Variants in DCAF13 observed in about 807,000 individuals in gnomAD.
DCAF13 encodes DDB1- and CUL4-associated factor 13.
DCAF13 carries 38 observed loss-of-function variants against 59.0 expected under a neutral mutation model. The ratio of observed to expected loss-of-function variants is 0.64; its 90% CI spans 0.50 to 0.84. DCAF13 has a LOEUF of 0.84. Among genes scored for constraint, DCAF13 ranks in the 40% least tolerant of loss-of-function variants. The pLI is 0.00. For missense variants in DCAF13, 469 were observed against 558.4 expected (o/e 0.84, Z 1.61); for synonymous variants, 173 against 175.0 (o/e 0.99, Z 0.09).
chr8:103,429,741 T>C (rs926025686), intron 5 of DCAF13: 3 of 152,182 alleles, frequency 2.0e-5, no homozygotes, highest in Non-Finnish European at 2.9e-5. Context: ...AGCTAGGAAA[T>C]ACTGTCATAC....
intron 1 of DCAF13, among the ~76,000 whole-genome samples, chr8:103,415,901 G>T (rs1816604336): frequency 6.6e-6 from 1 of 152,140 alleles, no homozygotes; most frequent in Non-Finnish European, 1.5e-5. Flanking sequence ...TCTTCTTGCC[G>T]CTTTACTACT....
At chr8:103,436,896 A>G (rs1816942096) in intron 8 of DCAF13, among the ~76,000 whole-genome samples, 1 of 152,152 alleles carries the variant, frequency 6.6e-6, no homozygotes, top group Non-Finnish European at 1.5e-5. Context: ...CTGCTTATCT[A>G]ACTCTTTGCT....
chr8:103,429,254 G>A (rs1383540369), intron 5 of DCAF13: 1 of 152,194 alleles, frequency 6.6e-6, no homozygotes, highest in African/African-American at 2.4e-5. Flanking sequence ...GCCAAGAAAG[G>A]TTGAGGGACC....
chr8:103,443,098 A>G lies in DCAF13; in HGVS notation c.*216A>G. 2.5e-6 allele frequency: 1 copy of G among 397,932 alleles called. No homozygotes were observed. The highest frequency in any genetic ancestry group is 2.1e-5 in the African/African-American group (1 of 48,448). The allele number at this position is 397,932 out of a possible 1,614,324, so 24.7% of individuals were successfully genotyped here. A position where few individuals can be genotyped will look rare whatever the true frequency, so the allele number is the denominator to read the frequency against. On this transcript the variant is annotated 3_prime_UTR_variant, in exon 11 of 11. Transcript: ENST00000612750. ...TTAATCTGCATTCTTCTTTCATTGTAGAATACAGTATTTGCAACTCATTTT... is the reference window on the plus strand; with the variant it reads ...TTAATCTGCATTCTTCTTTCATTGTGGAATACAGTATTTGCAACTCATTTT...
chr8:103,428,369 C>G (rs976886659), intron 5 of DCAF13: 3 of 152,186 alleles, frequency 2.0e-5, no homozygotes, highest in Admixed American at 6.5e-5. Context: ...CAGCCATGTT[C>G]TCTTGCGTAC....
At chr8:103,438,705 A>G (rs1816965460) in intron 8 of DCAF13, among the ~76,000 whole-genome samples, 1 of 152,022 alleles carries the variant, frequency 6.6e-6, no homozygotes, top group South Asian at 2.1e-4. Flanking sequence ...TACTTTAGAG[A>G]TATTTTTTAT....
intron 3 of DCAF13, chr8:103,421,404 G>A: frequency 2.6e-6 from 1 of 384,690 alleles, no homozygotes; most frequent in East Asian, 6.6e-5. Flanking sequence ...CAGATAATAA[G>A]GAATCATCGA....
In DCAF13 at chr8:103,437,362, G is replaced by A. The variant is rs1160115274; in HGVS notation, c.950+1572G>A. Reference sequence around the variant, plus strand: ...ACATAAGTAGACAAAAGAATGAAACGAGAACAAAGAAAAAAACAGGACTGT... The same window carrying A: ...ACATAAGTAGACAAAAGAATGAAACAAGAACAAAGAAAAAAACAGGACTGT... On this transcript the variant is annotated intron_variant, in intron 8 of 10. Coordinates refer to ENST00000612750, the MANE Select transcript of DCAF13 (RefSeq NM_015420.7). 2.0e-5 allele frequency among the ~76,000 whole-genome samples: 3 copies of A among 152,174 alleles called. No homozygotes were observed. The South Asian group carries it at 6.2e-4, about 32-fold the overall frequency.
intron 3 of DCAF13, among the ~76,000 whole-genome samples, chr8:103,424,049 C>CCCTCTGTCG (rs1563503052): frequency 1.3e-5 from 2 of 151,274 alleles, no homozygotes; most frequent in Non-Finnish European, 2.9e-5. Flanking sequence ...GATGAAGTCT[C>CCCTCTGTCG]CCTCTGTCGC....
In DCAF13 at chr8:103,420,267, C is replaced by G. The variant is rs1190094138; in HGVS notation, c.74C>G (p.Pro25Arg). The G allele has an allele frequency of 1.9e-6, 3 of 1,612,760 alleles. No homozygotes were observed. The African/African-American group carries it at 4.0e-5, about 22-fold the overall frequency. Residue 25 changes from proline (P) to arginine (R), a missense_variant, in exon 2 of 11, where the codon CCA becomes CGA. Transcript: ENST00000612750. ...AGAAGGATCATTCTTATTTCAGTTC[C>G]AAGAAACTATGATCCTGCTTTACAT... The part of the protein sequence containing the change: ...RETKLDLQRV[P>R]RNYDPALHPF...
intron 10 of DCAF13, chr8:103,441,889 CT>C: frequency 2.9e-6 from 1 of 343,406 alleles, no homozygotes. Context: ...TCTCAGCCTC[CT>C]GAGTAGCTAG....
rs1202179705 is a variant in DCAF13, at chr8:103,415,456, A to C, written c.10A>C (p.Lys4Gln). The part of the protein sequence containing the change: MKV[K>Q]MLSRNPDNYV... ...CGGAAGAGCAACCGAGATGAAGGTG[A>C]AGATGCTGAGCCGGAATCCGGACAA... Residue 4 changes from lysine to glutamine, a missense_variant, in exon 1 of 11, where the codon AAG (lysine) becomes CAG (glutamine). By Grantham distance (53) the Lys-to-Gln change is moderately conservative. Coordinates refer to ENST00000612750, the MANE Select transcript of DCAF13 (RefSeq NM_015420.7). The C allele has an allele frequency of 6.2e-7, 1 of 1,613,934 alleles. No homozygotes were observed. Among genetic ancestry groups the C allele is most frequent in the Admixed American group, 1.7e-5 (1 of 60,008 alleles).
intron 6 of DCAF13, among the ~76,000 whole-genome samples, chr8:103,431,606 C>T (rs1030587946): frequency 2.6e-5 from 4 of 152,162 alleles, no homozygotes; most frequent in African/African-American, 9.7e-5. Flanking sequence ...TGGTCTTAGA[C>T]TTTTAAGCAC....
rs963709767 is a variant in DCAF13 at position 103,420,300 on chromosome 8, A to C, written c.107A>C (p.Glu36Ala). The change falls in exon 2 of 11, where the codon GAG becomes GCG. Residue 36 changes from glutamate (E) to alanine (A), a missense_variant. Glu to Ala is a moderately radical substitution (Grantham distance 107, BLOSUM62 -1). Coordinates refer to ENST00000612750, the MANE Select transcript of DCAF13 (RefSeq NM_015420.7). The part of the protein sequence containing the change: ...RNYDPALHPF[E>A]VPREYIRALN... ...TATGATCCTGCTTTACATCCTTTTG[A>C]GGTCCCACGAGAATATATAAGAGCT... 1.2e-6 allele frequency: 2 copies of C among 1,613,864 alleles called. No homozygotes were observed. The highest frequency in any genetic ancestry group is 1.7e-6 in the Non-Finnish European group (2 of 1,179,992).
chr8:103,425,015 C>T (rs1317587187), intron 3 of DCAF13, among the ~76,000 whole-genome samples: 2 of 152,192 alleles, frequency 1.3e-5, no homozygotes, highest in Admixed American at 1.3e-4. Context: ...CAAAACCTTT[C>T]CTGATCACTT....
Position 103,442,847 on chromosome 8 carries a change from GAGA to G in DCAF13, c.1311_1313del (p.Lys438del), listed in dbSNP as rs745903352. On this transcript the variant is annotated inframe_deletion, in exon 11 of 11. Transcript: ENST00000612750. ...GCCTGGATCTGTGCCACTTGTGTCA[GAGA>G]AGAAGAAACACGTAGTGGCAGTTGT... is the stretch of plus-strand genomic sequence containing the variant. 2.5e-6 allele frequency: 4 copies of G among 1,607,788 alleles called. No homozygotes were observed. Among genetic ancestry groups the G allele is most frequent in the Admixed American group, 1.7e-5 (1 of 58,862 alleles).
Position 103,441,959 on chromosome 8 carries a change from G to T in DCAF13, c.1250+341G>T, listed in dbSNP as rs146186495. ...TTTTTGTATTTTTAGTAGAGACAGG[G>T]TTTCACCATGTTAGCCAAGATGGTC... is the stretch of plus-strand genomic sequence containing the variant. On this transcript the variant is annotated intron_variant, in intron 10 of 10. Coordinates refer to ENST00000612750, the MANE Select transcript of DCAF13 (RefSeq NM_015420.7). The T allele has an allele frequency of 1.5e-4, 29 of 195,504 alleles. No individual in the cohort carries two copies. The East Asian group carries it at 5.0e-3, about 34-fold the overall frequency. 12.1% of individuals were successfully genotyped at this position (195,504 alleles called of 1,614,324 possible).
At position 103,442,817 on chromosome 8, in the gene DCAF13, A is replaced by G; in HGVS notation, c.1273A>G (p.Ser425Gly). ...TAGGGAAGTGAATCGTATTAAACAC[A>G]GCAAGCCTGGATCTGTGCCACTTGT... ...RRKEVNRIKH[S>G]KPGSVPLVSE... is the part of the protein sequence containing the mutation. Residue 425 changes from serine (S) to glycine (G), a missense_variant, in exon 11 of 11, where the codon AGC becomes GGC. This residue lies in a region of DCAF13 where 84 missense variants were observed against 92.3 expected (regional missense o/e 0.91). Coordinates refer to ENST00000612750, the MANE Select transcript of DCAF13 (RefSeq NM_015420.7). 1 of 1,605,572 alleles carries G rather than the reference A, an allele frequency of 6.2e-7. No homozygotes were observed.
intron 3 of DCAF13, 152 bp downstream of exon 3, chr8:103,421,234 G>T: frequency 1.5e-6 from 1 of 680,518 alleles, no homozygotes. Context: ...AAAATTACTA[G>T]TTTTCTTTAT....
Sources: gnomAD v4.1 joint callset for allele counts (sites outside exome capture counted in the v4.1 genomes callset) on GRCh38, gnomAD v4.1.1 for gene constraint, gnomAD v4.1.1 regional missense constraint, MANE v1.5 for transcripts, NCBI Gene and HGNC (gene_info 2026-07-23, HGNC 2026-07-21) for gene names.